CTNND2: variants seen among roughly 807,000 people sequenced by gnomAD.
CTNND2 encodes the protein catenin delta-2.
Under a neutral mutation model 144.4 loss-of-function variants are expected in CTNND2, and 22 were observed. The observed-to-expected ratio is 0.15, with a 90% CI of 0.11 to 0.22. CTNND2 has a LOEUF of 0.22. Ranked by LOEUF, CTNND2 falls within the 10% of genes least tolerant of loss-of-function variation. The pLI is 1.00. For synonymous variants in CTNND2, 751 were observed against 695.6 expected (o/e 1.08, Z -1.25); for missense variants, 1,353 against 1,618.8 (o/e 0.84, Z 2.82).
intron 12 of CTNND2, among the ~76,000 whole-genome samples, chr5:11,130,192 A>G (rs764571854): frequency 3.3e-5 from 5 of 152,030 alleles, no homozygotes; most frequent in Non-Finnish European, 5.9e-5. Context: ...CCAACTACCT[A>G]TTGGGGCTGG....
At chr5:10,981,231 G>A (rs577795235) in intron 21 of CTNND2, among the ~76,000 whole-genome samples, 1 of 152,288 alleles carries the variant, frequency 6.6e-6, no homozygotes, top group African/African-American at 2.4e-5. Context: ...CATTGATGCT[G>A]CTGGTTCCCC....
intron 16 of CTNND2, among the ~76,000 whole-genome samples, chr5:11,036,462 C>A (rs574420723): frequency 3.3e-5 from 5 of 152,016 alleles, no homozygotes; most frequent in Admixed American, 3.3e-4. Flanking sequence ...CTCTTGTTAC[C>A]CAGGCTGGAG....
chr5:11,523,758 T>C (rs868486976), intron 3 of CTNND2, among the ~76,000 whole-genome samples: 10 of 152,172 alleles, frequency 6.6e-5, no homozygotes, highest in Non-Finnish European at 1.3e-4. Flanking sequence ...TTGCCTCCTC[T>C]TCCCTTATCG....
At chr5:11,615,542 T>C (rs1347848362) in intron 2 of CTNND2, among the ~76,000 whole-genome samples, 8 of 152,158 alleles carry the variant, frequency 5.3e-5, no homozygotes, top group Admixed American at 4.6e-4. Flanking sequence ...AAAATCCAAA[T>C]TGAAGTAGTA....
chr5:11,806,966 A>G (rs933820889), intron 1 of CTNND2, among the ~76,000 whole-genome samples: 11 of 152,150 alleles, frequency 7.2e-5, no homozygotes, highest in Middle Eastern at 3.4e-3. Flanking sequence ...CTTTTTCTTT[A>G]TGTTTTGTTT....
intron 2 of CTNND2, among the ~76,000 whole-genome samples, chr5:11,603,313 C>T (rs2126341215): frequency 6.6e-6 from 1 of 152,258 alleles, no homozygotes; most frequent in East Asian, 1.9e-4. Context: ...AAATAGATCC[C>T]ACAATGAACC....
intron 1 of CTNND2, among the ~76,000 whole-genome samples, chr5:11,858,918 G>C (rs1382889760): frequency 1.3e-5 from 2 of 152,190 alleles, no homozygotes; most frequent in African/African-American, 4.8e-5. Flanking sequence ...GACAGAGTGA[G>C]ACTACGTCTC....
chr5:11,545,244 C>T (rs1183231530), intron 3 of CTNND2, among the ~76,000 whole-genome samples: 1 of 150,662 alleles, frequency 6.6e-6, no homozygotes, highest in African/African-American at 2.4e-5. Flanking sequence ...ATCGCTTGAA[C>T]CTGGAAGGCG....
intron 3 of CTNND2, among the ~76,000 whole-genome samples, chr5:11,455,753 T>C (rs532760393): frequency 6.6e-6 from 1 of 152,328 alleles, no homozygotes; most frequent in Non-Finnish European, 1.5e-5. Context: ...CATTTTACTT[T>C]AGATAATGGC....
chr5:11,136,042 T>C (rs1756113750), intron 12 of CTNND2, among the ~76,000 whole-genome samples: 1 of 152,198 alleles, frequency 6.6e-6, no homozygotes, highest in Admixed American at 6.5e-5. Context: ...TGAGTGGCCT[T>C]ATAAAAGATG....
At chr5:11,690,171 G>C (rs1784828868) in intron 2 of CTNND2, among the ~76,000 whole-genome samples, 1 of 152,208 alleles carries the variant, frequency 6.6e-6, no homozygotes, top group Admixed American at 6.5e-5. Context: ...AATAAAATCA[G>C]TGCCAGGAAT....
At chr5:11,150,617 CTTTTTTTTTTTTTT>C (rs10602477) in intron 12 of CTNND2, among the ~76,000 whole-genome samples, 6 of 72,068 alleles carry the variant, frequency 8.3e-5, no homozygotes, top group African/African-American at 1.7e-4. Flanking sequence ...CTGCTGCCTT[CTTTTTTTTTTTTTT>C]TTTTTTTTTT....
At chr5:11,108,036 C>G (rs1436855118) in intron 14 of CTNND2, among the ~76,000 whole-genome samples, 1 of 152,166 alleles carries the variant, frequency 6.6e-6, no homozygotes, top group Admixed American at 6.5e-5. Flanking sequence ...AATTGCTATA[C>G]TTAACCCATA....
intron 9 of CTNND2, among the ~76,000 whole-genome samples, chr5:11,320,385 C>T (rs973945256): frequency 1.3e-5 from 2 of 152,116 alleles, no homozygotes; most frequent in Non-Finnish European, 2.9e-5. Context: ...AAACCAGCTA[C>T]TATGTCATGG....
chr5:11,490,242 ACAGT>A (rs1407405037), intron 3 of CTNND2, among the ~76,000 whole-genome samples: 3 of 152,226 alleles, frequency 2.0e-5, no homozygotes, highest in Non-Finnish European at 4.4e-5. Context: ...CCAGACGCTG[ACAGT>A]CAAAGAATCA....
At position 11,232,692 on chromosome 5, in the gene CTNND2, AC is replaced by A. The variant is rs373701463; in HGVS notation, c.1761+3998del. On this transcript the variant is annotated intron_variant, in intron 10 of 21. Coordinates refer to ENST00000304623, the MANE Select transcript of CTNND2 (RefSeq NM_001332.4). ...GTCTCAGATGAGACTTTGGACTTGG[AC>A]TTTTGGGTTAATGCTGAAATGAGTT... Among the ~76,000 whole-genome samples, 977 of 152,286 alleles carry A rather than the reference AC, an allele frequency of 6.4e-3. 7 individuals are homozygous for A. Among genetic ancestry groups the A allele is most frequent in the South Asian group, 0.016 (78 of 4,822 alleles).
intron 2 of CTNND2, among the ~76,000 whole-genome samples, chr5:11,718,057 C>T (rs971875972): frequency 1.3e-5 from 2 of 152,128 alleles, no homozygotes; most frequent in Non-Finnish European, 2.9e-5. Flanking sequence ...TCAATTCAAT[C>T]TCAGTGGTTA....
intron 1 of CTNND2, among the ~76,000 whole-genome samples, chr5:11,882,498 T>G (rs536369564): frequency 2.9e-5 from 4 of 138,564 alleles, no homozygotes; most frequent in African/African-American, 8.0e-5. Context: ...TCTCAACATA[T>G]ACAAATATAT....
intron 3 of CTNND2, among the ~76,000 whole-genome samples, chr5:11,448,420 A>C (rs1480456276): frequency 6.6e-6 from 1 of 152,222 alleles, no homozygotes. Context: ...CAAGCCAAGA[A>C]AAAAACGACA....
Sources: gnomAD v4.1 joint callset for allele counts (sites outside exome capture counted in the v4.1 genomes callset) on GRCh38, gnomAD v4.1.1 for gene constraint, MANE v1.5 for transcripts, NCBI Gene and HGNC (gene_info 2026-07-23, HGNC 2026-07-21) for gene names.